The following TENM2 variants were observed in gnomAD, a reference collection of about 807,000 sequenced individuals.
The protein encoded by TENM2 is teneurin-2.
Under a neutral mutation model 245.2 loss-of-function variants are expected in TENM2, and 52 were observed. The ratio of observed to expected loss-of-function variants is 0.21; its 90% CI spans 0.17 to 0.27. The LOEUF (loss-of-function observed/expected upper bound fraction) is 0.27. Among genes scored for constraint, TENM2 ranks in the 10% least tolerant of loss-of-function variants. TENM2 has a pLI of 1.00. For synonymous variants in TENM2, 1,363 were observed against 1,438.9 expected, an observed-to-expected ratio of 0.95 and a Z score of 1.19; for missense variants, 3,046 against 3,666.8, an observed-to-expected ratio of 0.83 and a Z score of 4.37.
chr5:168,050,269 G>A (rs909319647), intron 6 of TENM2, among the ~76,000 whole-genome samples: 1 of 152,154 alleles, frequency 6.6e-6, no homozygotes, highest in Non-Finnish European at 1.5e-5. Flanking sequence ...CTTATAAAAT[G>A]ACTAAAATGT....
At chr5:168,085,474 G>A (rs1346370175) in intron 7 of TENM2, 1 of 152,342 alleles carries the variant, frequency 6.6e-6, no homozygotes, top group Non-Finnish European at 1.5e-5. Context: ...CCGAGCAGTG[G>A]TGCCTGCAGC....
chr5:167,427,895 G>A (rs1470477156), intron 2 of TENM2, among the ~76,000 whole-genome samples: 2 of 120,646 alleles, frequency 1.7e-5, no homozygotes, highest in East Asian at 2.1e-4. Flanking sequence ...AAGGAAGGAC[G>A]GAAAGGAAGG....
chr5:168,024,195 C>A (rs1786409486), intron 5 of TENM2, among the ~76,000 whole-genome samples: 1 of 152,124 alleles, frequency 6.6e-6, no homozygotes, highest in Non-Finnish European at 1.5e-5. Flanking sequence ...CATATGTGAA[C>A]TGTCTTGAGT....
At chr5:166,979,566 T>C in the TENM2 span, among the ~76,000 whole-genome samples, 1 of 152,204 alleles carries the variant, frequency 6.6e-6, no homozygotes, top group Non-Finnish European at 1.5e-5. Flanking sequence ...TTAAGGCTTT[T>C]TTCCCCTTTT....
the TENM2 span, among the ~76,000 whole-genome samples, chr5:167,144,751 T>G: frequency 6.6e-6 from 1 of 152,230 alleles, no homozygotes. Context: ...ATGCAAGAGC[T>G]GTCCGTGTGC....
rs185619275 is a variant in TENM2 at position 167,846,788 on chromosome 5, A to G, written c.503-29198A>G. Among the ~76,000 whole-genome samples the G allele has an allele frequency of 2.1e-3, 321 of 152,348 alleles. 1 individual carries two copies. The highest frequency in any genetic ancestry group is 3.5e-3 in the Non-Finnish European group (237 of 68,028). Reference sequence around the variant, plus strand: ...CCTTAAGTGGCACCTTTTGGTTCACATAAATAAACTTGTCTTCCCCTCTTC... The same window carrying G: ...CCTTAAGTGGCACCTTTTGGTTCACGTAAATAAACTTGTCTTCCCCTCTTC... On this transcript the variant is annotated intron_variant, in intron 2 of 28. Transcript: ENST00000518659.
chr5:167,920,330 T>TAAAAAAAAAAA (rs1302068443), intron 3 of TENM2, among the ~76,000 whole-genome samples: 2 of 121,034 alleles, frequency 1.7e-5, no homozygotes, highest in South Asian at 2.7e-4. Flanking sequence ...TGTCTCTACT[T>TAAAAAAAAAAA]AAAAAAAAAA....
chr5:167,949,906 T>G (rs975710897), intron 3 of TENM2, among the ~76,000 whole-genome samples: 1 of 152,204 alleles, frequency 6.6e-6, no homozygotes, highest in African/African-American at 2.4e-5. Context: ...ATATAATCAA[T>G]GCCGTGGTGA....
chr5:167,780,945 GT>G (rs1249938734), intron 2 of TENM2, among the ~76,000 whole-genome samples: 3 of 151,938 alleles, frequency 2.0e-5, no homozygotes, highest in Non-Finnish European at 4.4e-5. Flanking sequence ...TTATTTATTT[GT>G]TTTTTTGACA....
At chr5:168,200,737 C>G (rs144734649) in intron 17 of TENM2, among the ~76,000 whole-genome samples, 1 of 152,128 alleles carries the variant, frequency 6.6e-6, no homozygotes, top group Non-Finnish European at 1.5e-5. Context: ...GAAGGAATCA[C>G]GATTCCCTCC....
chr5:167,089,245 A>G, the TENM2 span, among the ~76,000 whole-genome samples: 1 of 152,226 alleles, frequency 6.6e-6, no homozygotes, highest in East Asian at 1.9e-4. Flanking sequence ...AAGGGGAAGT[A>G]GCTTTTATTT....
At chr5:168,211,206 G>A (rs2152552673) in intron 19 of TENM2, among the ~76,000 whole-genome samples, 2 of 152,320 alleles carry the variant, frequency 1.3e-5, no homozygotes, top group Admixed American at 1.3e-4. Context: ...GCTGTGAGCA[G>A]GGTCTCTCTC....
exon 8 of TENM2, chr5:168,090,615 T>G: frequency 6.2e-7 from 1 of 1,613,230 alleles, no homozygotes; most frequent in East Asian, 2.2e-5. Flanking sequence ...AGAAGTGGAG[T>G]GTGGTTGAGT....
At chr5:167,754,617 TA>T (rs529811425) in intron 2 of TENM2, among the ~76,000 whole-genome samples, 5,375 of 143,216 alleles carry the variant, frequency 0.038, 322 homozygotes, top group African/African-American at 0.13. Flanking sequence ...GAGAATAATT[TA>T]AAAAAAAAAA....
chr5:167,406,463 A>G (rs1762643223), intron 2 of TENM2, among the ~76,000 whole-genome samples: 1 of 152,184 alleles, frequency 6.6e-6, no homozygotes, highest in Non-Finnish European at 1.5e-5. Flanking sequence ...GCCTGGTCAA[A>G]TCCTTGAAAT....
intron 2 of TENM2, among the ~76,000 whole-genome samples, chr5:167,504,346 C>A (rs1255910790): frequency 6.6e-6 from 1 of 152,126 alleles, no homozygotes; most frequent in Admixed American, 6.6e-5. Flanking sequence ...ACCACTGTTA[C>A]AATAATTTAT....
At chr5:167,345,465 G>A (rs1758398813) in intron 1 of TENM2, among the ~76,000 whole-genome samples, 2 of 152,194 alleles carry the variant, frequency 1.3e-5, no homozygotes, top group South Asian at 4.1e-4. Context: ...ATGACAGAAA[G>A]AAAATTGGTA....
intron 2 of TENM2, among the ~76,000 whole-genome samples, chr5:167,469,489 T>G (rs1467640220): frequency 6.6e-6 from 1 of 152,174 alleles, no homozygotes; most frequent in African/African-American, 2.4e-5. Context: ...TCTGCTATAG[T>G]AAATTATGGC....
At chr5:167,312,363 T>G (rs2127756186) in intron 1 of TENM2, among the ~76,000 whole-genome samples, 1 of 152,310 alleles carries the variant, frequency 6.6e-6, no homozygotes, top group East Asian at 1.9e-4. Flanking sequence ...AGCAATCTGG[T>G]CTGGTCTACT....
Sources: allele counts gnomAD v4.1 joint callset (sites outside exome capture counted in the v4.1 genomes callset), GRCh38; gene constraint gnomAD v4.1.1; transcripts MANE v1.5; gene names NCBI Gene and HGNC (gene_info 2026-07-23, HGNC 2026-07-21).